NAALADL2: variants seen among roughly 807,000 people sequenced by gnomAD.
NAALADL2 encodes N-acetylated alpha-linked acidic dipeptidase like 2.
NAALADL2 carries 76 observed loss-of-function variants against 87.2 expected under a neutral mutation model. The observed-to-expected ratio is 0.87, with a 90% CI of 0.72 to 1.05. The LOEUF is 1.05. NAALADL2 is among the 50% of genes least tolerant of loss of function. NAALADL2 has a pLI of 0.00. For synonymous variants in NAALADL2, 354 were observed against 331.0 expected (o/e 1.07, Z -0.75); for missense variants, 1,089 against 945.8 (o/e 1.15, Z -1.99).
chr3:174,622,721 A>T (rs1185876800), intron 2 of NAALADL2, among the ~76,000 whole-genome samples: 1 of 152,192 alleles, frequency 6.6e-6, no homozygotes, highest in African/African-American at 2.4e-5. Context: ...ATTTATCCAT[A>T]TTTTAAGTTT....
chr3:174,754,837 G>A (rs1390031568), intron 3 of NAALADL2, among the ~76,000 whole-genome samples: 1 of 152,082 alleles, frequency 6.6e-6, no homozygotes, highest in Non-Finnish European at 1.5e-5. Context: ...GCAGCTAAAT[G>A]CTTTATATCA....
At chr3:174,747,826 A>G (rs1734415102) in intron 3 of NAALADL2, among the ~76,000 whole-genome samples, 1 of 151,990 alleles carries the variant, frequency 6.6e-6, no homozygotes, top group African/African-American at 2.4e-5. Flanking sequence ...AATCAAAAGA[A>G]TATTAAATCA....
chr3:174,834,573 C>G (rs1426078181), intron 3 of NAALADL2, among the ~76,000 whole-genome samples: 1 of 151,984 alleles, frequency 6.6e-6, no homozygotes, highest in East Asian at 1.9e-4. Flanking sequence ...CAAAAAGCTA[C>G]TAGAACTAAT....
intron 7 of NAALADL2, among the ~76,000 whole-genome samples, chr3:175,466,549 A>G (rs1271778730): frequency 2.0e-5 from 3 of 152,186 alleles, no homozygotes; most frequent in Non-Finnish European, 4.4e-5. Context: ...AATTTATTGC[A>G]GAATCCATAC....
chr3:175,505,794 G>A (rs1003974520), intron 9 of NAALADL2, among the ~76,000 whole-genome samples: 2 of 152,296 alleles, frequency 1.3e-5, no homozygotes, highest in Admixed American at 6.5e-5. Flanking sequence ...AAAGTTTGAG[G>A]TATAGAGTAA....
At chr3:174,715,973 G>T (rs552391839) in intron 2 of NAALADL2, among the ~76,000 whole-genome samples, 6 of 151,852 alleles carry the variant, frequency 4.0e-5, no homozygotes, top group Non-Finnish European at 7.4e-5. Flanking sequence ...TCCTTTGATT[G>T]CTAAAATGCT....
intron 1 of NAALADL2, among the ~76,000 whole-genome samples, chr3:175,026,040 G>A (rs1383723499): frequency 1.3e-5 from 2 of 151,906 alleles, no homozygotes; most frequent in Admixed American, 6.6e-5. Context: ...CAAATTCCTG[G>A]GCTCAAACCA....
At chr3:174,505,140 T>A (rs1719122698) in intron 1 of NAALADL2, among the ~76,000 whole-genome samples, 1 of 152,194 alleles carries the variant, frequency 6.6e-6, no homozygotes, top group African/African-American at 2.4e-5. Flanking sequence ...GAGATCCATT[T>A]TGTAACCTAA....
chr3:175,138,923 T>TATATA (rs1560079662), intron 2 of NAALADL2, among the ~76,000 whole-genome samples: 1 of 141,900 alleles, frequency 7.0e-6, no homozygotes, highest in African/African-American at 2.6e-5. Flanking sequence ...TATATATATA[T>TATATA]ATGATAGTGA....
chr3:175,093,058 T>G (rs1017635227), intron 1 of NAALADL2, among the ~76,000 whole-genome samples: 3 of 151,858 alleles, frequency 2.0e-5, no homozygotes, highest in African/African-American at 7.2e-5. Context: ...TAAAATCTAC[T>G]ACATGTACTT....
intron 1 of NAALADL2, among the ~76,000 whole-genome samples, chr3:174,455,301 A>G (rs941685492): frequency 2.6e-5 from 4 of 152,208 alleles, no homozygotes; most frequent in East Asian, 1.9e-4. Context: ...TACCAGATGT[A>G]CAAAGAAGAG....
At chr3:174,658,258 G>T (rs539397901) in intron 2 of NAALADL2, among the ~76,000 whole-genome samples, 32 of 152,182 alleles carry the variant, frequency 2.1e-4, no homozygotes, top group African/African-American at 7.7e-4. Flanking sequence ...AGTTCTTTGT[G>T]CTCCATTTCT....
At chr3:174,817,514 A>T (rs1720935004) in intron 3 of NAALADL2, among the ~76,000 whole-genome samples, 1 of 152,106 alleles carries the variant, frequency 6.6e-6, no homozygotes, top group Non-Finnish European at 1.5e-5. Context: ...AGGTGGGGGG[A>T]TCACTTGAGC....
intron 5 of NAALADL2, among the ~76,000 whole-genome samples, chr3:175,443,482 T>G (rs1720164305): frequency 6.6e-6 from 1 of 152,174 alleles, no homozygotes; most frequent in Non-Finnish European, 1.5e-5. Context: ...AGCGAATTGA[T>G]AGGGATAGAC....
At chr3:174,762,985 G>A (rs1389972058) in intron 3 of NAALADL2, among the ~76,000 whole-genome samples, 2 of 152,030 alleles carry the variant, frequency 1.3e-5, no homozygotes, top group Non-Finnish European at 2.9e-5. Context: ...TGATGTAAGT[G>A]GGAAGTTACA....
intron 11 of NAALADL2, among the ~76,000 whole-genome samples, chr3:175,672,042 A>G (rs1157435846): frequency 2.0e-5 from 3 of 152,154 alleles, no homozygotes; most frequent in African/African-American, 4.8e-5. Context: ...ACCAAAAAAG[A>G]TCATTTTTCC....
intron 2 of NAALADL2, among the ~76,000 whole-genome samples, chr3:174,668,594 C>A (rs897276999): frequency 2.0e-5 from 3 of 152,068 alleles, no homozygotes; most frequent in African/African-American, 4.8e-5. Context: ...GCAACGGGCC[C>A]CGGTGTGTGA....
At chr3:175,174,306 G>T (rs924964069) in intron 2 of NAALADL2, among the ~76,000 whole-genome samples, 1 of 151,984 alleles carries the variant, frequency 6.6e-6, no homozygotes, top group Non-Finnish European at 1.5e-5. Flanking sequence ...CCAACTAAGC[G>T]GCTTTTTATA....
At chr3:175,676,891 AAC>A (rs1388510240) in intron 11 of NAALADL2, 1 of 152,246 alleles carries the variant, frequency 6.6e-6, no homozygotes, top group East Asian at 1.9e-4. Context: ...GTGCTTCAGT[AAC>A]AGTGAAGCCT....
Sources: allele counts gnomAD v4.1 joint callset (sites outside exome capture counted in the v4.1 genomes callset), GRCh38; gene constraint gnomAD v4.1.1; transcripts MANE v1.5; gene names NCBI Gene and HGNC (gene_info 2026-07-23, HGNC 2026-07-21).